ITPKB: variants seen among roughly 807,000 people sequenced by gnomAD.
ITPKB encodes the protein IP3 3-kinase B.
ITPKB carries 13 observed loss-of-function variants against 69.4 expected under a neutral mutation model. The observed-to-expected ratio is 0.19, with a 90% CI of 0.12 to 0.30. The LOEUF is 0.30. Among genes scored for constraint, ITPKB ranks in the 10% least tolerant of loss-of-function variants. The pLI is 1.00. For synonymous variants in ITPKB, 584 were observed against 513.7 expected (o/e 1.14, Z -1.85); for missense variants, 1,240 against 1,250.5 (o/e 0.99, Z 0.13).
intron 2 of ITPKB, among the ~76,000 whole-genome samples, chr1:226,671,379 C>G (rs1190773725): frequency 2.0e-5 from 3 of 152,238 alleles, no homozygotes; most frequent in Non-Finnish European, 2.9e-5. Flanking sequence ...GTACTCCTTG[C>G]TACAAATGTG....
chr1:226,704,755 ACT>A (rs1191082902), intron 2 of ITPKB, among the ~76,000 whole-genome samples: 1 of 152,204 alleles, frequency 6.6e-6, no homozygotes, highest in Non-Finnish European at 1.5e-5. Context: ...CCAGTCTAAA[ACT>A]AAGAGGCTTT....
In ITPKB at chr1:226,735,879, T is replaced by C. The variant is rs1571882956; in HGVS notation, c.1580A>G (p.Gln527Arg). ...CTGGCTTTCCCAAGTCCCCTCTGAT[T>C]GCACCCCTGTGCCACGCGTCCAAGC... The part of the protein sequence containing the change: ...GLAWTRGTGV[Q>R]SEGTWESQRQ... The change falls in exon 2 of 8, where the codon CAA (glutamine) becomes CGA (arginine). Residue 527 changes from glutamine to arginine, a missense_variant. Transcript: ENST00000429204. The C allele has an allele frequency of 3.1e-6, 5 of 1,610,328 alleles. No homozygotes were observed. Among genetic ancestry groups the C allele is most frequent in the Non-Finnish European group, 4.2e-6 (5 of 1,177,062 alleles).
At chr1:226,722,001 C>T (rs777614714) in intron 2 of ITPKB, among the ~76,000 whole-genome samples, 1 of 151,760 alleles carries the variant, frequency 6.6e-6, no homozygotes. Flanking sequence ...TTAGTAGATA[C>T]GGGATTTCAC....
chr1:226,637,769 C>T lies in ITPKB; in HGVS notation c.2554-19G>A. 2 of 1,605,284 alleles carry T rather than the reference C, an allele frequency of 1.2e-6. No homozygotes were observed. The highest frequency in any genetic ancestry group is 1.7e-6 in the Non-Finnish European group (2 of 1,172,612). ...AGGCGATCTGGGAATAGAAAGAGGA[C>T]CAGATTTTTAAGCGCCGCGTGGGGA... On this transcript the variant is annotated intron_variant, in intron 6 of 7. Coordinates refer to ENST00000429204, the MANE Select transcript of ITPKB (RefSeq NM_002221.4). This position sits in a 1 kb window ranked among gnomAD's most constrained non-coding sequence, Gnocchi z 4.3.
rs1351007604 is a variant in ITPKB, at chr1:226,734,911, A to G, written c.1932+616T>C. On this transcript the variant is annotated intron_variant, in intron 2 of 7. Coordinates refer to ENST00000429204, the MANE Select transcript of ITPKB (RefSeq NM_002221.4). ...ATGGTTTTCATTTAATTCATACATC[A>G]AACTGCACCTTGGTTACACTGACCA... is the stretch of plus-strand genomic sequence containing the variant. 2.0e-5 allele frequency among the ~76,000 whole-genome samples: 3 copies of G among 152,226 alleles called. No homozygotes were observed. The South Asian group carries it at 6.2e-4, about 31-fold the overall frequency.
intron 2 of ITPKB, among the ~76,000 whole-genome samples, chr1:226,660,661 G>A (rs1669385308): frequency 6.6e-6 from 1 of 152,218 alleles, no homozygotes; most frequent in Non-Finnish European, 1.5e-5. Context: ...CACACCAGGG[G>A]CCTCGCAGAG....
intron 2 of ITPKB, among the ~76,000 whole-genome samples, chr1:226,711,442 A>AGAGTGTGT (rs1491474441): frequency 2.9e-5 from 3 of 102,358 alleles, no homozygotes; most frequent in African/African-American, 1.2e-4. Context: ...AGAGAGAGAG[A>AGAGTGTGT]GTGTGTGTGT....
At chr1:226,670,175 CAAAAAAAAAAAAAAAAA>C in intron 2 of ITPKB, among the ~76,000 whole-genome samples, 1 of 32,002 alleles carries the variant, frequency 3.1e-5, no homozygotes, top group South Asian at 1.4e-3. Flanking sequence ...AGCTCCGCCG[CAAAAAAAAAAAAAAAAA>C]AAAAAAAAAA....
In ITPKB at chr1:226,727,500, C is replaced by T. The variant is rs561315327; in HGVS notation, c.1932+8027G>A. Among the ~76,000 whole-genome samples the T allele has an allele frequency of 1.6e-4, 24 of 152,300 alleles. No individual in the cohort carries two copies. In the South Asian group the frequency reaches 4.6e-3, roughly 29 times the overall value. On this transcript the variant is annotated intron_variant, in intron 2 of 7. Transcript: ENST00000429204. The stretch of plus-strand genomic sequence containing the variant: ...TCACCAGGGAACCAAATCCTTCTCG[C>T]GGCAGGCTGAACGCTCCCTGTAGTT...
At position 226,642,823 on chromosome 1, in the gene ITPKB, T is replaced by G. The variant is rs558045679; in HGVS notation, c.2247-698A>C. Among the ~76,000 whole-genome samples, 1 of 152,328 alleles carries G rather than the reference T, an allele frequency of 6.6e-6. No individual in the cohort carries two copies. The highest frequency in any genetic ancestry group is 2.1e-4 in the South Asian group (1 of 4,826). Reference sequence around the variant, plus strand: ...TCTGTCCTCAAGTCCCCATCTCTGCTGCTCTCAGGCAGCCTGAAGGCTGAG... The same window carrying G: ...TCTGTCCTCAAGTCCCCATCTCTGCGGCTCTCAGGCAGCCTGAAGGCTGAG... On this transcript the variant is annotated intron_variant, in intron 4 of 7. Coordinates refer to ENST00000429204, the MANE Select transcript of ITPKB (RefSeq NM_002221.4). This position sits in a 1 kb window ranked among gnomAD's most constrained non-coding sequence, Gnocchi z 6.4.
chr1:226,637,485 G>C lies in ITPKB; in HGVS notation c.2625+194C>G, dbSNP rs1668862575. Among the ~76,000 whole-genome samples, 1 of 152,234 alleles carries C rather than the reference G, an allele frequency of 6.6e-6. No homozygotes were observed. Among genetic ancestry groups the C allele is most frequent in the Non-Finnish European group, 1.5e-5 (1 of 68,040 alleles). On this transcript the variant is annotated intron_variant, in intron 7 of 7. Coordinates refer to ENST00000429204, the MANE Select transcript of ITPKB (RefSeq NM_002221.4). This position sits in a 1 kb window ranked among gnomAD's most constrained non-coding sequence, Gnocchi z 4.3. ...GGGCAATAGCCAGGGGTCTCAGGCA[G>C]GACAGCCCGTGTGGTCACCCCAGGA...
rs1346857696 is a variant in ITPKB, at chr1:226,641,726, G to A, written c.2451+195C>T. Among the ~76,000 whole-genome samples, 1 of 152,254 alleles carries A rather than the reference G, an allele frequency of 6.6e-6. No homozygotes were observed. Among genetic ancestry groups the A allele is most frequent in the African/African-American group, 2.4e-5 (1 of 41,478 alleles). The stretch of plus-strand genomic sequence containing the variant: ...GGGCTAGAAGCCACTCTGCTCTGAG[G>A]CCTGAGCCCCCTACACAGCCATCCC... On this transcript the variant is annotated intron_variant, in intron 5 of 7. Transcript: ENST00000429204. This position sits in a 1 kb window ranked among gnomAD's most constrained non-coding sequence, Gnocchi z 4.6.
In ITPKB at chr1:226,673,998, G is replaced by A. The variant is rs79366296; in HGVS notation, c.1933-25227C>T. Among the ~76,000 whole-genome samples the A allele has an allele frequency of 4.7e-4, 72 of 152,106 alleles. 1 individual carries two copies. The East Asian group carries it at 0.014, about 29-fold the overall frequency. ...GGGGGCAGAGCTGGGAGGTTTTCAC[G>A]GCCCATATATCCTCAAACTGCTCCA... is the stretch of plus-strand genomic sequence containing the variant. On this transcript the variant is annotated intron_variant, in intron 2 of 7. Coordinates refer to ENST00000429204, the MANE Select transcript of ITPKB (RefSeq NM_002221.4).
rs16846447 is a variant in ITPKB at position 226,736,868 on chromosome 1, G to T, written c.591C>A (p.Ser197Arg). The T allele has an allele frequency of 3.3e-3, 5,341 of 1,611,122 alleles. 119 individuals are homozygous for T. The East Asian group carries it at 0.051, about 16-fold the overall frequency. Residue 197 changes from serine (S) to arginine (R), a missense_variant, in exon 2 of 8, where the codon AGC becomes AGA. Coordinates refer to ENST00000429204, the MANE Select transcript of ITPKB (RefSeq NM_002221.4). ...PGRVLVQGARSEERRTKSWGE... is the reference protein window; with the variant it reads ...PGRVLVQGARREERRTKSWGE... ...CCCAGGACTTTGTCCTCCGTTCCTC[G>T]CTCCGGGCGCCCTGAACCAGGACCC...
chr1:226,722,839 A>C, intron 2 of ITPKB, among the ~76,000 whole-genome samples: 1 of 148,096 alleles, frequency 6.8e-6, no homozygotes, highest in Middle Eastern at 3.4e-3. Flanking sequence ...CTCTGTACAG[A>C]TGCCTAATGG....
At chr1:226,669,999 G>GAGT (rs903299186) in intron 2 of ITPKB, among the ~76,000 whole-genome samples, 2 of 151,176 alleles carry the variant, frequency 1.3e-5, no homozygotes, top group African/African-American at 4.9e-5. Flanking sequence ...TCAACCTCCT[G>GAGT]AGTAGCCTGG....
At position 226,738,201 on chromosome 1, in the gene ITPKB, G is replaced by A. The variant is rs1434392572; in HGVS notation, c.-205-538C>T. Among the ~76,000 whole-genome samples the A allele has an allele frequency of 6.6e-6, 1 of 152,078 alleles. No homozygotes were observed. Among genetic ancestry groups the A allele is most frequent in the Non-Finnish European group, 1.5e-5 (1 of 67,974 alleles). On this transcript the variant is annotated intron_variant, in intron 1 of 7. Coordinates refer to ENST00000429204, the MANE Select transcript of ITPKB (RefSeq NM_002221.4). The surrounding 1 kb of genome is among the most constrained non-coding windows in gnomAD (Gnocchi z 4.2). ...AAGCGGGACCTGCCTTGCCCGAGCC[G>A]CTGCCAGCGCCCGGATCTGGGAGGG...
intron 2 of ITPKB, among the ~76,000 whole-genome samples, chr1:226,683,087 G>C (rs928997195): frequency 6.6e-5 from 10 of 152,164 alleles, no homozygotes; most frequent in African/African-American, 2.4e-4. Context: ...AGGCCCTAGA[G>C]GGGCAGCCAG....
At chr1:226,667,632 AT>A (rs1189994961) in intron 2 of ITPKB, among the ~76,000 whole-genome samples, 4 of 151,956 alleles carry the variant, frequency 2.6e-5, no homozygotes, top group Non-Finnish European at 4.4e-5. Context: ...GACCACCCAC[AT>A]TTTCTGACAT....
Sources: allele counts gnomAD v4.1 joint callset (sites outside exome capture counted in the v4.1 genomes callset), GRCh38; gene constraint gnomAD v4.1.1; non-coding constraint Gnocchi (gnomAD v3.1); transcripts MANE v1.5; gene names NCBI Gene and HGNC (gene_info 2026-07-23, HGNC 2026-07-21).